The following CADPS variants were observed in gnomAD, a reference collection of about 807,000 sequenced individuals.
The protein encoded by CADPS is calcium-dependent secretion activator 1.
In CADPS, 57 loss-of-function variants were observed where a neutral mutation model predicts 167.3. The ratio of observed to expected loss-of-function variants is 0.34; its 90% CI spans 0.28 to 0.42. The LOEUF is 0.42. CADPS is among the 20% of genes least tolerant of loss of function. The probability of loss-of-function intolerance (pLI) is 1.00; values close to 1 mark genes in which losing one functional copy is unlikely to be tolerated. For synonymous variants in CADPS, 676 were observed against 635.3 expected, an observed-to-expected ratio of 1.06 and a Z score of -0.96; for missense variants, 1,414 against 1,738.1, an observed-to-expected ratio of 0.81 and a Z score of 3.32.
intron 10 of CADPS, among the ~76,000 whole-genome samples, chr3:62,551,837 T>C (rs1005486587): frequency 6.6e-6 from 1 of 152,138 alleles, no homozygotes; most frequent in Non-Finnish European, 1.5e-5. Context: ...CACACTCTTA[T>C]CTCCTTTGTA....
At chr3:62,610,112 G>GAA (rs756654681) in intron 6 of CADPS, among the ~76,000 whole-genome samples, 1 of 148,822 alleles carries the variant, frequency 6.7e-6, no homozygotes, top group Non-Finnish European at 1.5e-5. Flanking sequence ...AAACACACCA[G>GAA]AAAAAAAAAC....
intron 1 of CADPS, among the ~76,000 whole-genome samples, chr3:62,823,890 G>C (rs1300894937): frequency 1.3e-5 from 2 of 152,094 alleles, no homozygotes; most frequent in African/African-American, 2.4e-5. Context: ...TGGACCTTAG[G>C]GGGCTGCAGG....
chr3:62,751,024 G>A (rs1384662127), intron 3 of CADPS, among the ~76,000 whole-genome samples: 3 of 152,140 alleles, frequency 2.0e-5, no homozygotes, highest in African/African-American at 7.2e-5. Context: ...CCTAAAGGTA[G>A]AGCTCCTAGG....
chr3:62,807,908 C>G (rs2094184803), intron 1 of CADPS, among the ~76,000 whole-genome samples: 1 of 151,930 alleles, frequency 6.6e-6, no homozygotes, highest in Admixed American at 6.6e-5. Context: ...GAGTCTTGCA[C>G]TGTTGCCCAG....
Position 62,447,858 on chromosome 3 carries a change from T to A in CADPS, c.3637-2061A>T, listed in dbSNP as rs183644268. Among the ~76,000 whole-genome samples the A allele has an allele frequency of 1.6e-4, 24 of 152,308 alleles. No individual in the cohort carries two copies. The East Asian group carries it at 4.6e-3, about 29-fold the overall frequency. On this transcript the variant is annotated intron_variant, in intron 26 of 29. Coordinates refer to ENST00000383710, the MANE Select transcript of CADPS (RefSeq NM_003716.4). Reference sequence around the variant, plus strand: ...TCGCCATTGCTATGCTAGAACTTAGTTCAGGAAAGAAGGTGGCTTGCCTTT... The same window carrying A: ...TCGCCATTGCTATGCTAGAACTTAGATCAGGAAAGAAGGTGGCTTGCCTTT...
At chr3:62,591,626 G>A (rs2086061310) in intron 7 of CADPS, among the ~76,000 whole-genome samples, 1 of 152,150 alleles carries the variant, frequency 6.6e-6, no homozygotes, top group South Asian at 2.1e-4. Context: ...CAAGCAGGTG[G>A]GGTTATTGGC....
At chr3:62,866,999 C>T (rs992100285) in intron 1 of CADPS, among the ~76,000 whole-genome samples, 1 of 152,008 alleles carries the variant, frequency 6.6e-6, no homozygotes, top group Non-Finnish European at 1.5e-5. Flanking sequence ...ATATTACCTA[C>T]TTATGCGAGT....
At chr3:62,853,733 G>T (rs2079095161) in intron 1 of CADPS, among the ~76,000 whole-genome samples, 1 of 152,064 alleles carries the variant, frequency 6.6e-6, no homozygotes, top group African/African-American at 2.4e-5. Flanking sequence ...GCCTGAGGCA[G>T]GCAGATCACT....
intron 1 of CADPS, among the ~76,000 whole-genome samples, chr3:62,833,771 C>G (rs912076470): frequency 4.6e-5 from 7 of 152,036 alleles, no homozygotes; most frequent in African/African-American, 1.7e-4. Flanking sequence ...CACCCCTTGC[C>G]CCAAAACAGA....
At chr3:62,771,377 A>G (rs1313942564) in intron 1 of CADPS, among the ~76,000 whole-genome samples, 1 of 152,202 alleles carries the variant, frequency 6.6e-6, no homozygotes, top group Non-Finnish European at 1.5e-5. Context: ...CCCTTTGCCA[A>G]CTGCATGAGT....
At chr3:62,854,996 C>T (rs1430812170) in intron 1 of CADPS, among the ~76,000 whole-genome samples, 2 of 152,106 alleles carry the variant, frequency 1.3e-5, no homozygotes, top group East Asian at 3.9e-4. Flanking sequence ...ATGATCTTGG[C>T]TCACTACAAC....
chr3:62,633,721 C>T (rs138536080), intron 6 of CADPS, among the ~76,000 whole-genome samples: 3 of 152,152 alleles, frequency 2.0e-5, no homozygotes, highest in Non-Finnish European at 2.9e-5. Flanking sequence ...CACCACCCTA[C>T]ATCTTTGCTT....
At chr3:62,871,435 G>C (rs1419548455) in intron 1 of CADPS, among the ~76,000 whole-genome samples, 1 of 152,084 alleles carries the variant, frequency 6.6e-6, no homozygotes, top group East Asian at 1.9e-4. Flanking sequence ...TCTCAATTCA[G>C]AGAGAAATAA....
intron 1 of CADPS, among the ~76,000 whole-genome samples, chr3:62,766,293 T>C (rs1327426733): frequency 6.6e-6 from 1 of 152,210 alleles, no homozygotes; most frequent in East Asian, 1.9e-4. Flanking sequence ...CTTACACCTA[T>C]GGTATTTGCA....
At position 62,421,814 on chromosome 3, in the gene CADPS, G is replaced by A. The variant is rs1456320901; in HGVS notation, c.3777+16290C>T. On this transcript the variant is annotated intron_variant, in intron 28 of 29. Transcript: ENST00000383710. The surrounding 1 kb of genome is among the most constrained non-coding windows in gnomAD (Gnocchi z 4.7). The stretch of plus-strand genomic sequence containing the variant: ...CCCCGGGTCTGGGTTTTTTTGGAGT[G>A]TGCTATTGTTTGTGCTGGACTGTTA... Among the ~76,000 whole-genome samples the A allele has an allele frequency of 6.6e-6, 1 of 152,182 alleles. No individual in the cohort carries two copies. Among genetic ancestry groups the A allele is most frequent in the East Asian group, 1.9e-4 (1 of 5,178 alleles).
chr3:62,432,268 A>T (rs910298346), intron 28 of CADPS, among the ~76,000 whole-genome samples: 4 of 152,148 alleles, frequency 2.6e-5, no homozygotes, highest in African/African-American at 9.7e-5. Flanking sequence ...AAACTGTAAG[A>T]AGCCAGTTTC....
chr3:62,483,021 G>C (rs1353746066), intron 21 of CADPS, among the ~76,000 whole-genome samples: 1 of 151,770 alleles, frequency 6.6e-6, no homozygotes, highest in Non-Finnish European at 1.5e-5. Context: ...GTCATACACG[G>C]CTCCTCAAGC....
intron 13 of CADPS, among the ~76,000 whole-genome samples, chr3:62,532,546 T>G (rs1410193845): frequency 6.6e-6 from 1 of 152,208 alleles, no homozygotes; most frequent in Admixed American, 6.5e-5. Flanking sequence ...CATCCCATTT[T>G]ACAGACGAGA....
At chr3:62,530,857 C>A in intron 13 of CADPS, 1 of 1,094,222 alleles carries the variant, frequency 9.1e-7, no homozygotes, top group Non-Finnish European at 1.1e-6. Flanking sequence ...AGAGTGTGGC[C>A]AGCCATAGGA....
Sources: gnomAD v4.1 joint callset for allele counts (sites outside exome capture counted in the v4.1 genomes callset) on GRCh38, gnomAD v4.1.1 for gene constraint, Gnocchi (gnomAD v3.1) non-coding constraint, MANE v1.5 for transcripts, NCBI Gene and HGNC (gene_info 2026-07-23, HGNC 2026-07-21) for gene names.